The following NTNG1 variants were observed in gnomAD, a reference collection of about 807,000 sequenced individuals.
NTNG1 encodes netrin-G1.
NTNG1 carries 16 observed loss-of-function variants against 54.0 expected under a neutral mutation model. The observed-to-expected ratio is 0.30, with a 90% CI of 0.20 to 0.45. NTNG1 has a LOEUF of 0.45. Among genes scored for constraint, NTNG1 ranks in the 20% least tolerant of loss-of-function variants. The pLI is 1.00. For synonymous variants in NTNG1, 255 were observed against 263.1 expected (o/e 0.97, Z 0.30); for missense variants, 530 against 678.7 (o/e 0.78, Z 2.43).
At chr1:107,435,029 C>T (rs934554098) in intron 6 of NTNG1, among the ~76,000 whole-genome samples, 4 of 152,012 alleles carry the variant, frequency 2.6e-5, no homozygotes, top group Non-Finnish European at 5.9e-5. Flanking sequence ...ATTTTGTTTA[C>T]ATTTTTTGCC....
chr1:107,287,930 A>G (rs1194570189), intron 2 of NTNG1, among the ~76,000 whole-genome samples: 1 of 152,196 alleles, frequency 6.6e-6, no homozygotes, highest in Non-Finnish European at 1.5e-5. Context: ...AAGCTTAACA[A>G]ATGACAGCTA....
At chr1:107,387,646 G>A (rs776823579) in intron 3 of NTNG1, among the ~76,000 whole-genome samples, 16 of 152,176 alleles carry the variant, frequency 1.1e-4, no homozygotes, top group Non-Finnish European at 1.8e-4. Context: ...TCTAATCTCA[G>A]AGAGAGTAAT....
At position 107,261,768 on chromosome 1, in the gene NTNG1, G is replaced by A. The variant is rs532871979; in HGVS notation, c.247-62514G>A. On this transcript the variant is annotated intron_variant, in intron 2 of 7. Coordinates refer to ENST00000370068, the MANE Select transcript of NTNG1 (RefSeq NM_001113226.3). ...TGAGGCGGGAGAATGGCGTGAACCC[G>A]GGAGGCGGAGCTTGCAGTGAGCTGA... 3.1e-3 allele frequency among the ~76,000 whole-genome samples: 478 copies of A among 152,236 alleles called. 1 individual carries two copies. Among genetic ancestry groups the A allele is most frequent in the Middle Eastern group, 6.8e-3 (2 of 294 alleles).
intron 2 of NTNG1, among the ~76,000 whole-genome samples, chr1:107,288,309 TG>T (rs776862398): frequency 6.6e-6 from 1 of 152,150 alleles, no homozygotes; most frequent in Non-Finnish European, 1.5e-5. Context: ...GGAGTTTCCA[TG>T]GGACATTCAG....
chr1:107,282,328 T>C (rs1664915365), intron 2 of NTNG1, among the ~76,000 whole-genome samples: 1 of 152,164 alleles, frequency 6.6e-6, no homozygotes, highest in Admixed American at 6.5e-5. Context: ...TGAGACTTCA[T>C]GCTAGCTGAT....
intron 7 of NTNG1, 147 bp from the exon 8 acceptor site, chr1:107,480,464 G>A (rs1678615446): frequency 1.7e-6 from 1 of 594,034 alleles, no homozygotes; most frequent in Admixed American, 3.0e-5. Flanking sequence ...GGAGTCACGG[G>A]CTTCGTTTGT....
intron 3 of NTNG1, among the ~76,000 whole-genome samples, chr1:107,332,328 C>T (rs563485748): frequency 2.6e-5 from 4 of 151,980 alleles, no homozygotes; most frequent in Admixed American, 1.3e-4. Flanking sequence ...GCTAGTGGGT[C>T]GTTAAAGGGA....
At chr1:107,340,259 A>G (rs1263821287) in intron 3 of NTNG1, among the ~76,000 whole-genome samples, 2 of 152,064 alleles carry the variant, frequency 1.3e-5, no homozygotes, top group African/African-American at 4.8e-5. Context: ...TCCCTAAGAT[A>G]GGCATATCCA....
chr1:107,163,678 C>T (rs1655568107), intron 2 of NTNG1, among the ~76,000 whole-genome samples: 1 of 152,104 alleles, frequency 6.6e-6, no homozygotes, highest in Non-Finnish European at 1.5e-5. Context: ...AATAATCACT[C>T]ATGGATACAA....
intron 3 of NTNG1, among the ~76,000 whole-genome samples, chr1:107,394,019 A>T (rs900640615): frequency 2.0e-5 from 3 of 151,360 alleles, no homozygotes; most frequent in South Asian, 2.1e-4. Context: ...TTTCTCTCTC[A>T]CACACACACA....
intron 4 of NTNG1, among the ~76,000 whole-genome samples, chr1:107,397,944 A>G (rs556855711): frequency 6.6e-6 from 1 of 152,060 alleles, no homozygotes; most frequent in African/African-American, 2.4e-5. Context: ...CTCACTTCAT[A>G]TTGGCTTTTT....
chr1:107,431,888 G>A (rs894938839), intron 6 of NTNG1, among the ~76,000 whole-genome samples: 2 of 152,094 alleles, frequency 1.3e-5, no homozygotes, highest in Non-Finnish European at 2.9e-5. Context: ...GCTGAATAAT[G>A]ACAAGCAATC....
chr1:107,426,413 T>C (rs529272692), intron 5 of NTNG1, among the ~76,000 whole-genome samples: 1 of 152,098 alleles, frequency 6.6e-6, no homozygotes, highest in Non-Finnish European at 1.5e-5. Flanking sequence ...CAGCACTGTT[T>C]ATTGAATAGG....
chr1:107,147,744 A>G (rs1393708712), intron 1 of NTNG1, among the ~76,000 whole-genome samples: 1 of 152,212 alleles, frequency 6.6e-6, no homozygotes, highest in Non-Finnish European at 1.5e-5. Context: ...ATTTTCTAGC[A>G]CTGCAATGTA....
At position 107,210,684 on chromosome 1, in the gene NTNG1, G is replaced by A. The variant is rs556183171; in HGVS notation, c.246+61845G>A. Among the ~76,000 whole-genome samples, 56 of 152,180 alleles carry A rather than the reference G, an allele frequency of 3.7e-4. No individual in the cohort carries two copies. In the South Asian group the frequency reaches 0.011, roughly 30 times the overall value. On this transcript the variant is annotated intron_variant, in intron 2 of 7. Transcript: ENST00000370068. ...GTTGATCTTTAAGATTACTTCAGGTGATTAAAAAAATTGATTATGTGTCAC... is the reference window on the plus strand; with the variant it reads ...GTTGATCTTTAAGATTACTTCAGGTAATTAAAAAAATTGATTATGTGTCAC...
At chr1:107,149,310 G>A (rs1252006539) in intron 2 of NTNG1, among the ~76,000 whole-genome samples, 1 of 152,156 alleles carries the variant, frequency 6.6e-6, no homozygotes, top group East Asian at 1.9e-4. Flanking sequence ...TGTTCATCAG[G>A]AAGCTGCTAT....
chr1:107,238,394 C>CTGTG (rs757816645), intron 2 of NTNG1, among the ~76,000 whole-genome samples: 1 of 152,142 alleles, frequency 6.6e-6, no homozygotes, highest in African/African-American at 2.4e-5. Context: ...AGACTTTGGA[C>CTGTG]TGTGGACTTT....
At chr1:107,456,147 C>T (rs374696276) in intron 7 of NTNG1, among the ~76,000 whole-genome samples, 3 of 152,126 alleles carry the variant, frequency 2.0e-5, no homozygotes, top group South Asian at 4.2e-4. Context: ...AGACAAAGGC[C>T]GTGAAGGAGC....
chr1:107,240,168 A>AG (rs1374608244), intron 2 of NTNG1, among the ~76,000 whole-genome samples: 3 of 152,180 alleles, frequency 2.0e-5, no homozygotes, highest in Non-Finnish European at 4.4e-5. Flanking sequence ...TTTTAAAAAA[A>AG]TGTTTATATT....
Sources: gnomAD v4.1 joint callset for allele counts (sites outside exome capture counted in the v4.1 genomes callset) on GRCh38, gnomAD v4.1.1 for gene constraint, MANE v1.5 for transcripts, NCBI Gene and HGNC (gene_info 2026-07-23, HGNC 2026-07-21) for gene names.